Variants in SEMA5A observed in about 807,000 individuals in gnomAD.
The protein encoded by SEMA5A is semaphorin 5A.
Under a neutral mutation model 135.5 loss-of-function variants are expected in SEMA5A, and 55 were observed. The observed-to-expected ratio is 0.41, with a 90% CI of 0.33 to 0.51. The LOEUF is 0.51. Among genes scored for constraint, SEMA5A ranks in the 20% least tolerant of loss-of-function variants. The probability of loss-of-function intolerance (pLI) is 0.37; values close to 1 mark genes in which losing one functional copy is unlikely to be tolerated. For synonymous variants in SEMA5A, 580 were observed against 546.5 expected, an observed-to-expected ratio of 1.06 and a Z score of -0.85; for missense variants, 1,290 against 1,419.9, an observed-to-expected ratio of 0.91 and a Z score of 1.47.
chr5:9,197,483 A>G (rs781257252), intron 9 of SEMA5A, among the ~76,000 whole-genome samples, 180 bp from the exon 10 acceptor site: 2 of 152,222 alleles, frequency 1.3e-5, no homozygotes, highest in Non-Finnish European at 2.9e-5. Context: ...TGGAGGAACA[A>G]ACATCTTGGT....
chr5:9,389,336 GT>G (rs1399561600), intron 2 of SEMA5A, among the ~76,000 whole-genome samples: 1 of 152,050 alleles, frequency 6.6e-6, no homozygotes, highest in African/African-American at 2.4e-5. Context: ...CTAAAAACTG[GT>G]GACTCTCAAA....
At chr5:9,374,920 C>T (rs1022304695) in intron 3 of SEMA5A, among the ~76,000 whole-genome samples, 1 of 152,104 alleles carries the variant, frequency 6.6e-6, no homozygotes, top group Non-Finnish European at 1.5e-5. Context: ...CTGTGCCCTC[C>T]TACAGCACCG....
At chr5:9,275,712 A>G (rs1750225517) in intron 5 of SEMA5A, among the ~76,000 whole-genome samples, 1 of 152,208 alleles carries the variant, frequency 6.6e-6, no homozygotes, top group Non-Finnish European at 1.5e-5. Context: ...CCATCACATA[A>G]ACAAAACCAA....
At chr5:9,217,580 A>G (rs1484325194) in intron 8 of SEMA5A, among the ~76,000 whole-genome samples, 1 of 152,224 alleles carries the variant, frequency 6.6e-6, no homozygotes, top group Non-Finnish European at 1.5e-5. Flanking sequence ...TATTTGAAAT[A>G]TGTTTTCCAA....
At chr5:9,413,612 G>A (rs1360689373) in intron 2 of SEMA5A, among the ~76,000 whole-genome samples, 1 of 152,194 alleles carries the variant, frequency 6.6e-6, no homozygotes, top group Non-Finnish European at 1.5e-5. Flanking sequence ...CGTAGAAGAA[G>A]ACAGATTTAG....
At chr5:9,047,793 A>G (rs1736351506) in intron 21 of SEMA5A, among the ~76,000 whole-genome samples, 1 of 152,180 alleles carries the variant, frequency 6.6e-6, no homozygotes, top group South Asian at 2.1e-4. Context: ...TAAAAAAAAA[A>G]TTCCATTCTG....
intron 11 of SEMA5A, among the ~76,000 whole-genome samples, chr5:9,163,883 C>T (rs1234277393): frequency 6.6e-6 from 1 of 151,592 alleles, no homozygotes; most frequent in Non-Finnish European, 1.5e-5. Context: ...TGATCTTGCA[C>T]TTCCAGCCTC....
intron 2 of SEMA5A, among the ~76,000 whole-genome samples, chr5:9,412,828 T>C (rs1402503441): frequency 6.6e-6 from 1 of 152,198 alleles, no homozygotes; most frequent in Non-Finnish European, 1.5e-5. Flanking sequence ...ACCTGTGGTA[T>C]CATCTTGGCA....
intron 3 of SEMA5A, among the ~76,000 whole-genome samples, chr5:9,378,826 G>A (rs1486693476): frequency 1.3e-5 from 2 of 152,084 alleles, no homozygotes; most frequent in African/African-American, 4.8e-5. Flanking sequence ...GCTTGATGAT[G>A]TCATGAAATC....
At chr5:9,516,637 G>A (rs1311769707) in intron 1 of SEMA5A, 1 of 152,174 alleles carries the variant, frequency 6.6e-6, no homozygotes, top group East Asian at 1.9e-4. Context: ...CAAGGAGAGA[G>A]CCATTTCCTA....
At chr5:9,284,500 A>C (rs1020262177) in intron 5 of SEMA5A, among the ~76,000 whole-genome samples, 5 of 152,244 alleles carry the variant, frequency 3.3e-5, no homozygotes, top group South Asian at 2.1e-4. Flanking sequence ...GCCAGCATAT[A>C]AGGAAAGATG....
In SEMA5A at chr5:9,197,291, C is replaced by T. The variant is rs755886549; in HGVS notation, c.945G>A (p.Ala315=). The change falls in exon 10 of 23, where the codon GCG becomes GCA. Residue 315 remains alanine (A), a synonymous_variant. Coordinates refer to ENST00000382496, the MANE Select transcript of SEMA5A (RefSeq NM_003966.3). ...GGTTGAAGACGCACACAGCTGAGGC[C>T]GCAATGCTGTTCCTGGGAGCGGAGG... ...GIFTTNVNSI[A]ASAVCVFNLS... The T allele has an allele frequency of 1.9e-5, 30 of 1,612,548 alleles. No homozygotes were observed. The highest frequency in any genetic ancestry group is 3.3e-4 in the Middle Eastern group (2 of 6,034).
chr5:9,456,610 A>C (rs1001017866), intron 1 of SEMA5A, among the ~76,000 whole-genome samples: 1 of 152,162 alleles, frequency 6.6e-6, no homozygotes, highest in African/African-American at 2.4e-5. Flanking sequence ...ATGCAGCCTA[A>C]CTGGACCCCA....
intron 18 of SEMA5A, among the ~76,000 whole-genome samples, chr5:9,056,449 T>C (rs1736897780): frequency 6.6e-6 from 1 of 152,182 alleles, no homozygotes; most frequent in Admixed American, 6.5e-5. Context: ...AGGCCGGGCA[T>C]GGTGGCTCAC....
At position 9,047,989 on chromosome 5, in the gene SEMA5A, G is replaced by A. The variant is rs544742197; in HGVS notation, c.2893+2421C>T. Among the ~76,000 whole-genome samples, 231 of 152,218 alleles carry A rather than the reference G, an allele frequency of 1.5e-3. 1 individual carries two copies. Among genetic ancestry groups the A allele is most frequent in the Admixed American group, 2.9e-3 (45 of 15,284 alleles). On this transcript the variant is annotated intron_variant, in intron 21 of 22. Transcript: ENST00000382496. Reference sequence around the variant, plus strand: ...AGCAGGAGGAAAGTGAACTGCACACGTCTGGCAGCAGGCACAAATACCTAG... The same window carrying A: ...AGCAGGAGGAAAGTGAACTGCACACATCTGGCAGCAGGCACAAATACCTAG...
At chr5:9,154,435 G>C (rs1344106006) in intron 12 of SEMA5A, 53 bp downstream of exon 12, 3 of 1,566,904 alleles carry the variant, frequency 1.9e-6, no homozygotes, top group Middle Eastern at 2.3e-4. Context: ...GGCTCTCTCT[G>C]GGTGGGCCCT....
At chr5:9,495,675 A>G (rs1471124641) in intron 1 of SEMA5A, among the ~76,000 whole-genome samples, 5 of 152,212 alleles carry the variant, frequency 3.3e-5, no homozygotes, top group Admixed American at 6.5e-5. Flanking sequence ...GGATGAAGAG[A>G]AAACTGGCGG....
At chr5:9,111,720 G>A (rs1740251178) in intron 15 of SEMA5A, among the ~76,000 whole-genome samples, 7 of 152,160 alleles carry the variant, frequency 4.6e-5, no homozygotes, top group Admixed American at 4.6e-4. Context: ...CTGTCTCTTT[G>A]TGTCTGGGTT....
chr5:9,257,605 A>AAG (rs545501428), intron 5 of SEMA5A, among the ~76,000 whole-genome samples: 3 of 152,016 alleles, frequency 2.0e-5, no homozygotes, highest in Non-Finnish European at 4.4e-5. Flanking sequence ...TCTAAAAAAA[A>AAG]AAGACTATAA....
Sources: allele counts gnomAD v4.1 joint callset (sites outside exome capture counted in the v4.1 genomes callset), GRCh38; gene constraint gnomAD v4.1.1; transcripts MANE v1.5; gene names NCBI Gene and HGNC (gene_info 2026-07-23, HGNC 2026-07-21).